Variants in CHN2 observed in about 807,000 individuals in gnomAD.
CHN2 encodes chimerin 2.
CHN2 carries 35 observed loss-of-function variants against 56.3 expected under a neutral mutation model. That is an observed-to-expected ratio of 0.62 (90% CI 0.47 to 0.82). The LOEUF (loss-of-function observed/expected upper bound fraction) is 0.82, where lower values mean the gene tolerates loss of function less well. CHN2 is among the 40% of genes least tolerant of loss of function. The pLI, the probability that CHN2 is intolerant of heterozygous loss-of-function variation, is 0.00. For synonymous variants in CHN2, 210 were observed against 212.8 expected, an observed-to-expected ratio of 0.99 and a Z score of 0.12; for missense variants, 491 against 580.5, an observed-to-expected ratio of 0.85 and a Z score of 1.58.
chr7:29,509,467 A>ATGCCGTCCACTTTTCCTCATGC, intron 12 of CHN2, 61 bp downstream of exon 12: 1 of 1,304,572 alleles, frequency 7.7e-7, no homozygotes, highest in Non-Finnish European at 1.1e-6. Context: ...TGCATGAGGA[A>ATGCCGTCCACTTTTCCTCATGC]AAGTGGACGG....
intron 1 of CHN2, among the ~76,000 whole-genome samples, chr7:29,301,943 G>A (rs1023759469): frequency 2.0e-5 from 3 of 152,142 alleles, no homozygotes; most frequent in African/African-American, 7.2e-5. Context: ...GCCACTTTGG[G>A]GATAGGAGGC....
chr7:29,491,362 C>CT (rs1396665462), intron 7 of CHN2, among the ~76,000 whole-genome samples: 2 of 152,130 alleles, frequency 1.3e-5, no homozygotes, highest in East Asian at 3.9e-4. Context: ...TCCTTCCCTG[C>CT]TTTTTATTGG....
rs1791823023 is a variant in CHN2 at position 29,514,270 on chromosome 7, T to C, written c.*1535T>C. 1.3e-5 allele frequency: 2 copies of C among 152,660 alleles called. No individual in the cohort carries two copies. Among genetic ancestry groups the C allele is most frequent in the African/African-American group, 2.4e-5 (1 of 41,458 alleles). The allele number at this position is 152,660 out of a possible 1,614,324, so 9.5% of individuals were successfully genotyped here. A position where few individuals can be genotyped will look rare whatever the true frequency, so the allele number is the denominator to read the frequency against. ...TTGTGAAGTGAACAATACTTTGTAA[T>C]TTATGATAGTGTAAATGGAAGGCAA... On this transcript the variant is annotated 3_prime_UTR_variant, in exon 13 of 13. Transcript: ENST00000222792.
intron 2 of CHN2, among the ~76,000 whole-genome samples, chr7:29,155,644 G>A (rs1794256934): frequency 6.6e-6 from 1 of 152,142 alleles, no homozygotes; most frequent in African/African-American, 2.4e-5. Flanking sequence ...TCTGAAGCTT[G>A]GAATACAAGC....
chr7:29,176,580 A>T (rs936723805), intron 2 of CHN2, among the ~76,000 whole-genome samples: 1 of 152,190 alleles, frequency 6.6e-6, no homozygotes, highest in African/African-American at 2.4e-5. Context: ...ATTGAAAGGG[A>T]TTACTACTAA....
At chr7:29,151,459 A>G (rs1793582410) in intron 2 of CHN2, among the ~76,000 whole-genome samples, 1 of 152,180 alleles carries the variant, frequency 6.6e-6, no homozygotes, top group Non-Finnish European at 1.5e-5. Context: ...TCGGTGATTT[A>G]AGGATAAATT....
intron 6 of CHN2, among the ~76,000 whole-genome samples, chr7:29,403,509 A>G (rs1802394668): frequency 6.6e-6 from 1 of 152,144 alleles, no homozygotes; most frequent in Non-Finnish European, 1.5e-5. Flanking sequence ...AGACGATGTT[A>G]CCTGTGTATC....
intron 1 of CHN2, among the ~76,000 whole-genome samples, chr7:29,340,319 T>C (rs1796940982): frequency 6.6e-6 from 1 of 151,642 alleles, no homozygotes; most frequent in Non-Finnish European, 1.5e-5. Flanking sequence ...CTTTATGTTA[T>C]GAAAAGTTTT....
At chr7:29,203,493 G>T (rs962959616) in intron 1 of CHN2, among the ~76,000 whole-genome samples, 4 of 136,418 alleles carry the variant, frequency 2.9e-5, no homozygotes, top group African/African-American at 5.5e-5. Context: ...AAAAAAAAAA[G>T]GATCTATTAA....
intron 1 of CHN2, chr7:29,213,265 T>G: frequency 4.5e-6 from 4 of 890,056 alleles, no homozygotes; most frequent in Non-Finnish European, 5.6e-6. Context: ...AGTGGCTGAA[T>G]CCTTCCTCTC....
At chr7:29,504,382 G>T in intron 9 of CHN2, among the ~76,000 whole-genome samples, 1 of 152,186 alleles carries the variant, frequency 6.6e-6, no homozygotes, top group East Asian at 1.9e-4. Context: ...ATGCTAGGAA[G>T]AAAGCCAGGT....
At chr7:29,415,507 C>A in intron 6 of CHN2, among the ~76,000 whole-genome samples, 1 of 152,098 alleles carries the variant, frequency 6.6e-6, no homozygotes, top group Admixed American at 6.5e-5. Flanking sequence ...AAAACAAAAA[C>A]AAAAACAAAA....
At chr7:29,327,380 A>G (rs1296940445) in intron 1 of CHN2, among the ~76,000 whole-genome samples, 2 of 152,174 alleles carry the variant, frequency 1.3e-5, no homozygotes, top group South Asian at 2.1e-4. Context: ...GATGTCTGCT[A>G]TTGAGGGCCA....
chr7:29,418,963 C>T (rs1366173931), intron 6 of CHN2, among the ~76,000 whole-genome samples: 1 of 152,168 alleles, frequency 6.6e-6, no homozygotes, highest in Non-Finnish European at 1.5e-5. Context: ...AAGAGGGATT[C>T]TGATGAACTG....
intron 1 of CHN2, among the ~76,000 whole-genome samples, chr7:29,302,906 T>C (rs1186252164): frequency 6.6e-6 from 1 of 152,238 alleles, no homozygotes; most frequent in African/African-American, 2.4e-5. Flanking sequence ...GTTTAGCATG[T>C]TGTAGCACAA....
At chr7:29,508,709 G>A (rs971223480) in intron 11 of CHN2, among the ~76,000 whole-genome samples, 3 of 151,660 alleles carry the variant, frequency 2.0e-5, no homozygotes, top group African/African-American at 4.9e-5. Flanking sequence ...CCAGAAGCAT[G>A]TACTCTTCCT....
intron 6 of CHN2, among the ~76,000 whole-genome samples, chr7:29,468,160 G>A (rs1182552887): frequency 1.9e-4 from 6 of 30,794 alleles, no homozygotes; most frequent in South Asian, 1.8e-3. Context: ...CCCCCCGCCC[G>A]ACTACCCAAA....
At chr7:29,158,816 G>A (rs925610799) in intron 2 of CHN2, among the ~76,000 whole-genome samples, 5 of 152,144 alleles carry the variant, frequency 3.3e-5, no homozygotes, top group African/African-American at 1.2e-4. Context: ...AATATTTACA[G>A]ATGCTTAACT....
At chr7:29,417,551 T>G (rs1183951470) in intron 6 of CHN2, among the ~76,000 whole-genome samples, 1 of 152,004 alleles carries the variant, frequency 6.6e-6, no homozygotes, top group Non-Finnish European at 1.5e-5. Flanking sequence ...TAGCCAAAAG[T>G]AGAGAAAGAT....
Sources: allele counts gnomAD v4.1 joint callset (sites outside exome capture counted in the v4.1 genomes callset), GRCh38; gene constraint gnomAD v4.1.1; transcripts MANE v1.5; gene names NCBI Gene and HGNC (gene_info 2026-07-23, HGNC 2026-07-21).